The following CLMN variants were observed in gnomAD, a reference collection of about 807,000 sequenced individuals.
CLMN encodes the protein calmin.
CLMN carries 57 observed loss-of-function variants against 92.7 expected under a neutral mutation model. The ratio of observed to expected loss-of-function variants is 0.61; its 90% confidence interval spans 0.50 to 0.77. CLMN has a LOEUF of 0.77. Ranked by LOEUF, CLMN falls within the 30% of genes least tolerant of loss-of-function variation. The pLI, the probability that CLMN is intolerant of heterozygous loss-of-function variation, is 0.00. For missense variants in CLMN, 1,158 were observed against 1,237.5 expected (o/e 0.94, Z 0.96); for synonymous variants, 466 against 470.6 (o/e 0.99, Z 0.13).
At chr14:95,193,324 T>A (rs749482701) in intron 12 of CLMN, 1 of 1,532,226 alleles carries the variant, frequency 6.5e-7, no homozygotes, top group South Asian at 1.2e-5. Flanking sequence ...AATACTTTCA[T>A]AGACATCCTG....
At chr14:95,292,731 C>G (rs999208554) in intron 1 of CLMN, among the ~76,000 whole-genome samples, 15 of 152,076 alleles carry the variant, frequency 9.9e-5, no homozygotes. Context: ...AGCTTTCCCA[C>G]GAGCTAGGAT....
chr14:95,263,453 G>A (rs1050415250), intron 1 of CLMN, among the ~76,000 whole-genome samples: 7 of 152,076 alleles, frequency 4.6e-5, no homozygotes, highest in Non-Finnish European at 8.8e-5. Flanking sequence ...TACCCACTGG[G>A]GTCTGGCACC....
chr14:95,231,493 C>A (rs532121413), intron 1 of CLMN, among the ~76,000 whole-genome samples: 48 of 152,182 alleles, frequency 3.2e-4, no homozygotes, highest in African/African-American at 1.1e-3. Flanking sequence ...CCACCGCGCC[C>A]AGCCGCATTA....
intron 4 of CLMN, among the ~76,000 whole-genome samples, chr14:95,218,749 TGGG>T (rs1345073517): frequency 6.6e-6 from 1 of 152,212 alleles, no homozygotes; most frequent in Non-Finnish European, 1.5e-5. Context: ...TGGGGCCCAG[TGGG>T]GCACCAAGCT....
At chr14:95,250,933 A>G (rs1898758352) in intron 1 of CLMN, among the ~76,000 whole-genome samples, 1 of 152,180 alleles carries the variant, frequency 6.6e-6, no homozygotes, top group Non-Finnish European at 1.5e-5. Context: ...GGAAAGGACA[A>G]GCACTAGAAA....
intron 9 of CLMN, among the ~76,000 whole-genome samples, chr14:95,197,828 C>T (rs1303988337): frequency 6.6e-6 from 1 of 151,748 alleles, no homozygotes; most frequent in African/African-American, 2.4e-5. Flanking sequence ...AGCGGCCAGG[C>T]CATTGTGCCC....
chr14:95,218,944 T>C (rs1226952343), intron 4 of CLMN, among the ~76,000 whole-genome samples: 1 of 152,226 alleles, frequency 6.6e-6, no homozygotes. Flanking sequence ...TTGCCACACC[T>C]GTTCCTAGGC....
At chr14:95,309,733 C>G (rs865958644) in intron 1 of CLMN, among the ~76,000 whole-genome samples, 1 of 152,098 alleles carries the variant, frequency 6.6e-6, no homozygotes, top group South Asian at 2.1e-4. Context: ...CTGGTCTCCA[C>G]CAAACTCACA....
intron 1 of CLMN, chr14:95,307,741 G>GCT (rs1441176003): frequency 6.6e-6 from 1 of 151,926 alleles, no homozygotes; most frequent in Admixed American, 6.6e-5. Context: ...GAGAGAGCCA[G>GCT]CTCTCCAAGA....
At chr14:95,269,556 T>C (rs1307080124) in intron 1 of CLMN, among the ~76,000 whole-genome samples, 2 of 152,340 alleles carry the variant, frequency 1.3e-5, no homozygotes, top group East Asian at 1.9e-4. Flanking sequence ...TTTATGTTCA[T>C]ATTTGGCCTT....
intron 1 of CLMN, among the ~76,000 whole-genome samples, chr14:95,275,031 C>T (rs1280916519): frequency 6.6e-6 from 1 of 151,846 alleles, no homozygotes; most frequent in African/African-American, 2.4e-5. Flanking sequence ...TTTACTGACC[C>T]TTACTGTAGG....
rs994277423 is a variant in CLMN, at chr14:95,190,815, G to C, written c.*749C>G. 6.6e-6 allele frequency: 1 copy of C among 152,142 alleles called. No individual in the cohort carries two copies. 9.4% of individuals were successfully genotyped at this position (152,142 alleles called of 1,614,324 possible). On this transcript the variant is annotated 3_prime_UTR_variant, in exon 13 of 13. Coordinates refer to ENST00000298912, the MANE Select transcript of CLMN (RefSeq NM_024734.4). ...TTATATGGCCCTGCTGGGCCCTGGC[G>C]ATCTGGTTTGAAAATCATGGTTCTA...
At chr14:95,239,444 C>T (rs1456305102) in intron 1 of CLMN, among the ~76,000 whole-genome samples, 1 of 152,228 alleles carries the variant, frequency 6.6e-6, no homozygotes, top group Non-Finnish European at 1.5e-5. Context: ...GATTCAGCTT[C>T]TGGGCCCCTG....
chr14:95,288,630 T>C (rs1249501357), intron 1 of CLMN, among the ~76,000 whole-genome samples: 1 of 152,190 alleles, frequency 6.6e-6, no homozygotes, highest in Non-Finnish European at 1.5e-5. Context: ...TGTAAATTGG[T>C]GCCACTTTCA....
chr14:95,309,854 T>C (rs959502727), intron 1 of CLMN, among the ~76,000 whole-genome samples: 1 of 152,040 alleles, frequency 6.6e-6, no homozygotes, highest in Non-Finnish European at 1.5e-5. Context: ...ATGAGATTCC[T>C]GTGGCTGCTG....
intron 1 of CLMN, among the ~76,000 whole-genome samples, chr14:95,273,574 G>A (rs1429526846): frequency 6.6e-6 from 1 of 152,138 alleles, no homozygotes; most frequent in Non-Finnish European, 1.5e-5. Flanking sequence ...GCCCTGAAAG[G>A]CTCATCAGTG....
Position 95,194,104 on chromosome 14 carries a change from A to G in CLMN, c.2770-185T>C, listed in dbSNP as rs1896632210. On this transcript the variant is annotated intron_variant, in intron 11 of 12. Transcript: ENST00000298912. The surrounding 1 kb of genome is among the most constrained non-coding windows in gnomAD (Gnocchi z 4.0). ...ATACATTCCTCTACCTCCTCCCCTA[A>G]GCCCCTCCCTTGTGAGTGCGAGAGA... 1 of 1,425,226 alleles carries G rather than the reference A, an allele frequency of 7.0e-7. No homozygotes were observed. The highest frequency in any genetic ancestry group is 1.6e-5 in the South Asian group (1 of 63,884). The allele number at this position is 1,425,226 out of a possible 1,614,324, so 88.3% of individuals were successfully genotyped here. A position where few individuals can be genotyped will look rare whatever the true frequency, so the allele number is the denominator to read the frequency against.
chr14:95,209,408 G>A lies in CLMN; in HGVS notation c.872C>T (p.Pro291Leu), dbSNP rs762975034. 135 of 1,613,928 alleles carry A rather than the reference G, an allele frequency of 8.4e-5. No individual in the cohort carries two copies. Among genetic ancestry groups the A allele is most frequent in the African/African-American group, 1.1e-4 (8 of 74,918 alleles). ...TYVAQFLERFPELEAEDIFDS... is the reference protein window; with the variant it reads ...TYVAQFLERFLELEAEDIFDS... ...AAGCAAACATACGGCTTCCAACTCC[G>A]GAAAACGTTCTAGAAACTGTGCCAC... Residue 291 changes from proline (P) to leucine (L), a missense_variant, in exon 8 of 13, where the codon CCG becomes CTG. By Grantham distance (98) the Pro-to-Leu change is moderately conservative (BLOSUM62 -3). Transcript: ENST00000298912.
intron 1 of CLMN, among the ~76,000 whole-genome samples, chr14:95,280,367 A>C (rs1379211593): frequency 6.6e-6 from 1 of 152,210 alleles, no homozygotes; most frequent in East Asian, 1.9e-4. Context: ...CTTGAGCAAG[A>C]TTTTCATGTA....
Sources: allele counts gnomAD v4.1 joint callset (sites outside exome capture counted in the v4.1 genomes callset), GRCh38; gene constraint gnomAD v4.1.1; non-coding constraint Gnocchi (gnomAD v3.1); transcripts MANE v1.5; gene names NCBI Gene and HGNC (gene_info 2026-07-23, HGNC 2026-07-21).